ATG10: variants seen among roughly 807,000 people sequenced by gnomAD.
ATG10 encodes the protein ubiquitin-like-conjugating enzyme ATG10.
A neutral mutation model predicts 32.1 loss-of-function variants in ATG10; 30 were observed. The ratio of observed to expected loss-of-function variants is 0.94; its 90% CI spans 0.70 to 1.27. The LOEUF (loss-of-function observed/expected upper bound fraction) is 1.27, where lower values mean the gene tolerates loss of function less well. Ranked by LOEUF, ATG10 falls within the 50% of genes most tolerant of loss-of-function variation. The pLI, the probability that ATG10 is intolerant of heterozygous loss-of-function variation, is 0.00. For synonymous variants in ATG10, 87 were observed against 91.5 expected (o/e 0.95, Z 0.28); for missense variants, 233 against 262.3 (o/e 0.89, Z 0.77).
chr5:82,011,944 TG>T (rs1183250860), intron 2 of ATG10, among the ~76,000 whole-genome samples: 2 of 152,226 alleles, frequency 1.3e-5, no homozygotes, highest in Non-Finnish European at 2.9e-5. Flanking sequence ...ATTATGGTGC[TG>T]GTTGGTTGGT....
At chr5:82,054,874 AAAG>A (rs1259636844) in intron 2 of ATG10, among the ~76,000 whole-genome samples, 2 of 152,230 alleles carry the variant, frequency 1.3e-5, no homozygotes, top group Non-Finnish European at 1.5e-5. Context: ...TTAAAAAATT[AAAG>A]AAGAGTTAAA....
At position 82,176,850 on chromosome 5, in the gene ATG10, G is replaced by A. The variant is rs114139017; in HGVS notation, c.356-1640G>A. 4.7e-3 allele frequency among the ~76,000 whole-genome samples: 720 copies of A among 152,148 alleles called. 6 individuals are homozygous for A. The highest frequency in any genetic ancestry group is 0.016 in the African/African-American group (671 of 41,510). On this transcript the variant is annotated intron_variant, in intron 4 of 7. Coordinates refer to ENST00000282185, the MANE Select transcript of ATG10 (RefSeq NM_031482.5). The stretch of plus-strand genomic sequence containing the variant: ...TATCACAAGATAATGGTCTCCTGCC[G>A]CTAGATAAATGCCAAGATGAAGATA...
At chr5:82,095,457 C>G (rs1765025956) in intron 3 of ATG10, among the ~76,000 whole-genome samples, 1 of 151,984 alleles carries the variant, frequency 6.6e-6, no homozygotes, top group Admixed American at 6.6e-5. Flanking sequence ...GGCATAAAAT[C>G]CACTTGGATT....
chr5:82,000,280 A>G (rs1011140138), intron 2 of ATG10, among the ~76,000 whole-genome samples: 1 of 152,228 alleles, frequency 6.6e-6, no homozygotes, highest in South Asian at 2.1e-4. Context: ...CTTCATATTA[A>G]AAACCCTCAA....
intron 3 of ATG10, among the ~76,000 whole-genome samples, chr5:82,107,401 G>C (rs944043735): frequency 1.3e-5 from 2 of 152,036 alleles, no homozygotes; most frequent in African/African-American, 4.8e-5. Flanking sequence ...GAGATAAAGG[G>C]AGCAGCTAAG....
chr5:81,987,561 A>G lies in ATG10; in HGVS notation c.-10A>G, dbSNP rs1761322290. ...AATACTTAGTTTTTGTATTGCAGTTATCATTTAACATGGAAGAAGATGAGT... is the reference window on the plus strand; with the variant it reads ...AATACTTAGTTTTTGTATTGCAGTTGTCATTTAACATGGAAGAAGATGAGT... On this transcript the variant is annotated splice_region_variant and 5_prime_UTR_variant, in exon 2 of 8. Coordinates refer to ENST00000282185, the MANE Select transcript of ATG10 (RefSeq NM_031482.5). 1 of 1,572,104 alleles carries G rather than the reference A, an allele frequency of 6.4e-7. No homozygotes were observed. Among genetic ancestry groups the G allele is most frequent in the Non-Finnish European group, 8.7e-7 (1 of 1,148,402 alleles).
chr5:82,030,275 T>G (rs1362642577), intron 2 of ATG10, among the ~76,000 whole-genome samples: 1 of 152,114 alleles, frequency 6.6e-6, no homozygotes, highest in Non-Finnish European at 1.5e-5. Context: ...ATCATCTATG[T>G]AGCTGTGCTT....
At chr5:82,169,954 T>C (rs1203155054) in intron 4 of ATG10, among the ~76,000 whole-genome samples, 3 of 152,200 alleles carry the variant, frequency 2.0e-5, no homozygotes, top group African/African-American at 4.8e-5. Flanking sequence ...GAACATATGA[T>C]AGCAATAGAA....
chr5:82,079,514 CAA>C, intron 3 of ATG10, among the ~76,000 whole-genome samples: 2 of 152,056 alleles, frequency 1.3e-5, no homozygotes, highest in African/African-American at 4.8e-5. Context: ...TATCCCTCCC[CAA>C]TCCCCCACCC....
intron 3 of ATG10, chr5:82,147,872 C>T (rs988966079): frequency 7.9e-5 from 12 of 152,382 alleles, no homozygotes; most frequent in Admixed American, 3.9e-4. Flanking sequence ...ATTGCAGCTG[C>T]CTCCAGGGAA....
At chr5:82,025,142 C>G (rs549749952) in intron 2 of ATG10, among the ~76,000 whole-genome samples, 1 of 152,270 alleles carries the variant, frequency 6.6e-6, no homozygotes. Flanking sequence ...TAGCTTAGTG[C>G]TACTAAAAAT....
chr5:82,149,622 G>GCTGCCCAGAGTCCTA (rs1228269768), intron 3 of ATG10, among the ~76,000 whole-genome samples: 1 of 151,716 alleles, frequency 6.6e-6, no homozygotes, highest in Admixed American at 6.6e-5. Context: ...ATACTACTCT[G>GCTGCCCAGAGTCCTA]CTGCCCAGAG....
chr5:82,251,595 G>A (rs1747255628), intron 5 of ATG10, among the ~76,000 whole-genome samples: 2 of 152,164 alleles, frequency 1.3e-5, no homozygotes, highest in Non-Finnish European at 1.5e-5. Flanking sequence ...CACGGGCCCC[G>A]TCATCTGCTG....
intron 3 of ATG10, among the ~76,000 whole-genome samples, chr5:82,061,884 G>A (rs955671237): frequency 3.0e-5 from 4 of 131,580 alleles, no homozygotes; most frequent in African/African-American, 1.2e-4. Context: ...GGAGTGCAGT[G>A]GCACAGTCAG....
At chr5:81,991,795 C>CA (rs879300586) in intron 2 of ATG10, among the ~76,000 whole-genome samples, 2,789 of 126,676 alleles carry the variant, frequency 0.022, 38 homozygotes, top group South Asian at 0.083. Context: ...AACTCCGTCT[C>CA]AAAAAAAAAA....
At chr5:82,072,230 G>C (rs966543635) in intron 3 of ATG10, among the ~76,000 whole-genome samples, 1 of 152,116 alleles carries the variant, frequency 6.6e-6, no homozygotes, top group Non-Finnish European at 1.5e-5. Flanking sequence ...TCTGGCCTTT[G>C]TCCTTGTCTA....
At chr5:82,027,075 A>AAAATAAATAAAT (rs10601125) in intron 2 of ATG10, among the ~76,000 whole-genome samples, 6 of 144,720 alleles carry the variant, frequency 4.1e-5, no homozygotes, top group African/African-American at 1.5e-4. Flanking sequence ...ATGAATAAAT[A>AAAATAAATAAAT]AAATAAATAA....
chr5:82,130,821 A>T (rs191672764), intron 3 of ATG10, among the ~76,000 whole-genome samples: 8 of 152,130 alleles, frequency 5.3e-5, no homozygotes, highest in African/African-American at 1.9e-4. Context: ...AAATATCTTT[A>T]TCTTTAATGA....
intron 5 of ATG10, among the ~76,000 whole-genome samples, chr5:82,203,501 A>G (rs1024306960): frequency 2.0e-5 from 3 of 152,110 alleles, no homozygotes; most frequent in Admixed American, 6.6e-5. Flanking sequence ...TTTTAGTTTT[A>G]ATCGGTGGGA....
Sources: allele counts gnomAD v4.1 joint callset (sites outside exome capture counted in the v4.1 genomes callset), GRCh38; gene constraint gnomAD v4.1.1; transcripts MANE v1.5; gene names NCBI Gene and HGNC (gene_info 2026-07-23, HGNC 2026-07-21).